PTBP3: variants seen among roughly 807,000 people sequenced by gnomAD.
The protein encoded by PTBP3 is polypyrimidine tract binding protein 3, also known as polypyrimidine tract-binding protein 3.
A neutral mutation model predicts 58.7 loss-of-function variants in PTBP3; 20 were observed. The ratio of observed to expected loss-of-function variants is 0.34; its 90% CI spans 0.24 to 0.50. PTBP3 has a LOEUF of 0.50. Ranked by LOEUF, PTBP3 falls within the 20% of genes least tolerant of loss-of-function variation. The pLI, the probability that PTBP3 is intolerant of heterozygous loss-of-function variation, is 0.98. For synonymous variants in PTBP3, 185 were observed against 219.8 expected (o/e 0.84, Z 1.40); for missense variants, 509 against 637.2 (o/e 0.80, Z 2.17).
At chr9:112,296,255 A>T (rs1355899571) in intron 2 of PTBP3, among the ~76,000 whole-genome samples, 1 of 152,156 alleles carries the variant, frequency 6.6e-6, no homozygotes, top group Non-Finnish European at 1.5e-5. Context: ...ATCAGATGTT[A>T]ACTTTTTAAT....
chr9:112,221,446 A>G lies in PTBP3; in HGVS notation c.*2405T>C. The G allele has an allele frequency of 1.0e-6, 1 of 985,634 alleles. No homozygotes were observed. Among genetic ancestry groups the G allele is most frequent in the African/African-American group, 1.7e-5 (1 of 57,358 alleles). 61.1% of individuals were successfully genotyped at this position (985,634 alleles called of 1,614,324 possible). On this transcript the variant is annotated 3_prime_UTR_variant, in exon 14 of 14. Coordinates refer to ENST00000374257, the MANE Select transcript of PTBP3 (RefSeq NM_001163788.4). ...TACACTTATGCTGAATGTTATGAGA[A>G]TCATGAATTAATAAATTACACAGTA... is the stretch of plus-strand genomic sequence containing the variant.
Position 112,220,083 on chromosome 9 carries a change from A to G in PTBP3, c.*3768T>C, listed in dbSNP as rs1300893930. Reference sequence around the variant, plus strand: ...AAAGGCTAAGAAAAATGCTTTACGCATCGTCACGCTGTCTCTTTTTGGTTT... The same window carrying G: ...AAAGGCTAAGAAAAATGCTTTACGCGTCGTCACGCTGTCTCTTTTTGGTTT... On this transcript the variant is annotated 3_prime_UTR_variant, in exon 14 of 14. Coordinates refer to ENST00000374257, the MANE Select transcript of PTBP3 (RefSeq NM_001163788.4). The G allele has an allele frequency of 2.5e-6, 3 of 1,198,352 alleles. No individual in the cohort carries two copies. The highest frequency in any genetic ancestry group is 3.3e-5 in the Admixed American group (1 of 30,766). The allele number at this position is 1,198,352 out of a possible 1,614,324, so 74.2% of individuals were successfully genotyped here.
chr9:112,251,175 CA>C, intron 6 of PTBP3, 72 bp from the exon 7 acceptor site: 2 of 1,236,798 alleles, frequency 1.6e-6, no homozygotes. Context: ...TCTACTTTGA[CA>C]AAGAGTGGCA....
At chr9:112,333,349 G>GGCCGCTCCTCCGGCCGCCGGC in intron 1 of PTBP3, 121 bp downstream of exon 1, 4 of 1,193,090 alleles carry the variant, frequency 3.4e-6, no homozygotes, top group Non-Finnish European at 4.3e-6. Flanking sequence ...GCTTGGCCGG[G>GGCCGCTCCTCCGGCCGCCGGC]GCCGCTCCTC....
chr9:112,339,614 T>C, the PTBP3 span, among the ~76,000 whole-genome samples: 1,142 of 151,540 alleles, frequency 7.5e-3, 19 homozygotes, highest in African/African-American at 0.026. Flanking sequence ...CCCAGGTTGC[T>C]GTGCAGTGGA....
At chr9:112,249,337 G>A (rs2132067169) in intron 7 of PTBP3, among the ~76,000 whole-genome samples, 1 of 152,072 alleles carries the variant, frequency 6.6e-6, no homozygotes, top group East Asian at 1.9e-4. Context: ...CTTTTCTATA[G>A]GTATAACAAA....
At chr9:112,234,769 AAAT>A (rs1835376706) in intron 8 of PTBP3, 48 bp downstream of exon 8, 1 of 1,514,532 alleles carries the variant, frequency 6.6e-7, no homozygotes, top group African/African-American at 1.4e-5. Context: ...AGTTCCTAGA[AAAT>A]ATACAACTTC....
the PTBP3 span, among the ~76,000 whole-genome samples, chr9:112,348,909 T>G: frequency 6.6e-6 from 1 of 152,200 alleles, no homozygotes; most frequent in Non-Finnish European, 1.5e-5. Flanking sequence ...GGGTTGAGAA[T>G]ATTGCCTTAG....
chr9:112,373,140 C>T, the PTBP3 span, among the ~76,000 whole-genome samples: 2 of 152,072 alleles, frequency 1.3e-5, no homozygotes, highest in African/African-American at 4.8e-5. Context: ...TTGTGATCTG[C>T]CCATCTCAGC....
chr9:112,268,723 A>T (rs896526496), intron 3 of PTBP3, among the ~76,000 whole-genome samples: 3 of 151,886 alleles, frequency 2.0e-5, no homozygotes, highest in African/African-American at 7.2e-5. Context: ...AAAAAAAAAA[A>T]AAAAAAAAAA....
In PTBP3 at chr9:112,333,497, A is replaced by C; in HGVS notation, c.-79T>G. ...ATCCATGGCCCAGATGGAGGCGCGC[A>C]CAGAGCAGGGACTGACGGGCTAACC... On this transcript the variant is annotated 5_prime_UTR_variant, in exon 1 of 14. Transcript: ENST00000374257. 6.3e-7 allele frequency: 1 copy of C among 1,592,770 alleles called. No homozygotes were observed. Among genetic ancestry groups the C allele is most frequent in the Admixed American group, 1.7e-5 (1 of 57,760 alleles).
At chr9:112,339,290 CAAAAAAAA>C in the PTBP3 span, among the ~76,000 whole-genome samples, 342 of 71,718 alleles carry the variant, frequency 4.8e-3, 3 homozygotes, top group Non-Finnish European at 6.5e-3. Flanking sequence ...GACTCTGTCT[CAAAAAAAA>C]AAAAAAAAAA....
intron 7 of PTBP3, among the ~76,000 whole-genome samples, chr9:112,241,143 G>A (rs1263770249): frequency 3.3e-5 from 5 of 151,928 alleles, no homozygotes; most frequent in East Asian, 3.9e-4. Context: ...TCACTTTGTC[G>A]CCCAGGCTGG....
intron 1 of PTBP3, 115 bp downstream of exon 1, chr9:112,333,355 T>C (rs2132506903): frequency 8.2e-7 from 1 of 1,214,334 alleles, no homozygotes; most frequent in South Asian, 2.5e-5. Flanking sequence ...CCGGGGCCGC[T>C]CCTCCGGCCG....
At chr9:112,267,906 G>A in intron 4 of PTBP3, 143 bp downstream of exon 4, 1 of 679,434 alleles carries the variant, frequency 1.5e-6, no homozygotes, top group Non-Finnish European at 2.1e-6. Flanking sequence ...AAGAATTGGG[G>A]GGAAGAATTT....
chr9:112,333,113 G>A (rs1014484237), intron 1 of PTBP3: 7 of 1,260,794 alleles, frequency 5.6e-6, no homozygotes, highest in African/African-American at 4.7e-5. Flanking sequence ...CATTTTCTGA[G>A]AGGAAGTGTC....
intron 1 of PTBP3, among the ~76,000 whole-genome samples, chr9:112,320,947 T>C (rs183218511): frequency 6.6e-6 from 1 of 152,154 alleles, no homozygotes; most frequent in Non-Finnish European, 1.5e-5. Flanking sequence ...TTCCTTCTCA[T>C]CTTTGGAATA....
At chr9:112,253,048 A>G (rs1185261292) in intron 5 of PTBP3, among the ~76,000 whole-genome samples, 1 of 152,340 alleles carries the variant, frequency 6.6e-6, no homozygotes, top group East Asian at 1.9e-4. Flanking sequence ...ATAGGAGACT[A>G]CAATAATCAA....
chr9:112,278,100 C>A (rs1201742323), intron 2 of PTBP3, among the ~76,000 whole-genome samples: 1 of 152,138 alleles, frequency 6.6e-6, no homozygotes, highest in Non-Finnish European at 1.5e-5. Context: ...ACTTACACTG[C>A]CTCATTTGAG....
Sources: allele counts gnomAD v4.1 joint callset (sites outside exome capture counted in the v4.1 genomes callset), GRCh38; gene constraint gnomAD v4.1.1; transcripts MANE v1.5; gene names NCBI Gene and HGNC (gene_info 2026-07-23, HGNC 2026-07-21).